ZFP91: variants seen among roughly 807,000 people sequenced by gnomAD.
ZFP91 encodes ZFP91 zinc finger protein, atypical E3 ubiquitin ligase.
A neutral mutation model predicts 63.5 loss-of-function variants in ZFP91; 7 were observed. The ratio of observed to expected loss-of-function variants is 0.11; its 90% CI spans 0.06 to 0.21. ZFP91 has a LOEUF of 0.21. ZFP91 is among the 10% of genes least tolerant of loss of function. ZFP91 has a pLI of 1.00. For synonymous variants in ZFP91, 330 were observed against 272.1 expected, an observed-to-expected ratio of 1.21 and a Z score of -2.10; for missense variants, 628 against 736.6, an observed-to-expected ratio of 0.85 and a Z score of 1.71.
Position 58,579,463 on chromosome 11 carries a change from C to T in ZFP91, c.182C>T (p.Ala61Val). Residue 61 changes from alanine (A) to valine (V), a missense_variant, in exon 1 of 11, where the codon GCG becomes GTG. Transcript: ENST00000316059. ...RGGRDRGRAA[A>V]AAAAAAVSRR... is the part of the protein sequence containing the mutation. ...GGTCGGGACCGAGGCCGGGCCGCTG[C>T]GGCCGCCGCCGCCGCAGCTGTGTCC... The T allele has an allele frequency of 2.1e-6, 3 of 1,457,594 alleles. No homozygotes were observed. The highest frequency in any genetic ancestry group is 9.0e-7 in the Non-Finnish European group (1 of 1,113,712). The allele number at this position is 1,457,594 out of a possible 1,614,324, so 90.3% of individuals were successfully genotyped here. A position where few individuals can be genotyped will look rare whatever the true frequency, so the allele number is the denominator to read the frequency against.
intron 2 of ZFP91, among the ~76,000 whole-genome samples, chr11:58,609,567 T>C (rs931507163): frequency 5.3e-5 from 8 of 152,216 alleles, no homozygotes; most frequent in African/African-American, 1.9e-4. Context: ...AAGTGTATTT[T>C]GCATAGTTAG....
At chr11:58,611,468 G>T in intron 5 of ZFP91, 136 bp from the exon 6 acceptor site, 6 of 1,147,660 alleles carry the variant, frequency 5.2e-6, no homozygotes, top group Non-Finnish European at 7.4e-6. Context: ...GAGGATGATT[G>T]GTAGGAAATC....
At chr11:58,610,209 C>A (rs1039720582) in intron 3 of ZFP91, 89 bp from the exon 4 acceptor site, 3 of 1,444,158 alleles carry the variant, frequency 2.1e-6, no homozygotes, top group Non-Finnish European at 2.9e-6. Flanking sequence ...TTACCCCATG[C>A]AGTAATTTGA....
chr11:58,611,741 G>A lies in ZFP91; in HGVS notation c.857+3G>A. On this transcript the variant is annotated splice_donor_region_variant and intron_variant, in intron 6 of 10. Transcript: ENST00000316059. ...GAGGATGAGGAACCTCCAAGGAAGT[G>A]AGTAGGCAATTATTAAAAATGAAAA... 2 of 1,589,818 alleles carry A rather than the reference G, an allele frequency of 1.3e-6. No homozygotes were observed. Among genetic ancestry groups the A allele is most frequent in the Non-Finnish European group, 1.7e-6 (2 of 1,170,044 alleles).
At chr11:58,603,131 C>A (rs149345484) in intron 2 of ZFP91, among the ~76,000 whole-genome samples, 222 of 152,276 alleles carry the variant, frequency 1.5e-3, no homozygotes, top group African/African-American at 5.0e-3. Context: ...TATAAAGTTG[C>A]AGAGAACTTG....
At chr11:58,592,265 T>A (rs1855320626) in intron 2 of ZFP91, among the ~76,000 whole-genome samples, 1 of 151,754 alleles carries the variant, frequency 6.6e-6, no homozygotes. Flanking sequence ...TTGTATTTTT[T>A]TAGTAGAGAT....
intron 2 of ZFP91, among the ~76,000 whole-genome samples, chr11:58,603,489 C>G (rs147200771): frequency 5.8e-4 from 88 of 152,308 alleles, no homozygotes; most frequent in Non-Finnish European, 1.0e-3. Flanking sequence ...GTGGAGGACT[C>G]TCATTTGGTG....
intron 9 of ZFP91, 142 bp from the exon 10 acceptor site, chr11:58,616,574 T>G (rs1855752129): frequency 1.3e-5 from 6 of 469,444 alleles, no homozygotes; most frequent in Admixed American, 1.2e-4. Context: ...TTTTTAAATT[T>G]TGTTTACCCA....
At chr11:58,603,147 AT>A (rs1855518292) in intron 2 of ZFP91, among the ~76,000 whole-genome samples, 2 of 152,198 alleles carry the variant, frequency 1.3e-5, no homozygotes, top group Admixed American at 6.5e-5. Context: ...ACTTGACTGA[AT>A]TGTGTTCTAT....
rs1855179117 is a variant in ZFP91, at chr11:58,584,898, AT to A, written c.370+15del. ...CAACTGATAAAGGTAAGACTTGGTC[AT>A]CCTTACCTCTAGCGTACATTACACT... is the stretch of plus-strand genomic sequence containing the variant. On this transcript the variant is annotated intron_variant, in intron 2 of 10. Transcript: ENST00000316059. The A allele has an allele frequency of 6.6e-7, 1 of 1,513,572 alleles. No homozygotes were observed. Among genetic ancestry groups the A allele is most frequent in the East Asian group, 2.6e-5 (1 of 38,120 alleles). The allele number at this position is 1,513,572 out of a possible 1,614,324, so 93.8% of individuals were successfully genotyped here.
intron 1 of ZFP91, among the ~76,000 whole-genome samples, chr11:58,582,336 G>A (rs1159811726): frequency 6.6e-6 from 1 of 152,070 alleles, no homozygotes; most frequent in Admixed American, 6.5e-5. Flanking sequence ...ACCCTGGTCT[G>A]GTATCTTTGA....
In ZFP91 at chr11:58,614,312, G is replaced by A; in HGVS notation, c.1071G>A (p.Lys357=). The A allele has an allele frequency of 3.1e-6, 5 of 1,611,862 alleles. No homozygotes were observed. Among genetic ancestry groups the A allele is most frequent in the Non-Finnish European group, 3.4e-6 (4 of 1,178,796 alleles). ...PSCGRLFRLQ[K]QLLRHAKHHT... ...GTGGACGACTCTTCAGGCTTCAGAA[G>A]CAACTTCTGCGACATGCCAAACATC... The change falls in exon 9 of 11, where the codon AAG becomes AAA. Residue 357 remains lysine (K), a synonymous_variant. Coordinates refer to ENST00000316059, the MANE Select transcript of ZFP91 (RefSeq NM_053023.5).
rs1855078549 is a variant in ZFP91 at position 58,579,958 on chromosome 11, T to C, written c.341+336T>C. Among the ~76,000 whole-genome samples, 4 of 152,162 alleles carry C rather than the reference T, an allele frequency of 2.6e-5. No homozygotes were observed. The South Asian group carries it at 6.2e-4, about 24-fold the overall frequency. On this transcript the variant is annotated intron_variant, in intron 1 of 10. Transcript: ENST00000316059. ...CGCACCCCCTTTGTCACCCTATCCC[T>C]TTCCTTTAGGCGGCTCTCCAGTATT...
chr11:58,617,547 A>G lies in ZFP91; in HGVS notation c.1554A>G (p.Ser518=), dbSNP rs149137178. 1.9e-6 allele frequency: 3 copies of G among 1,613,930 alleles called. No individual in the cohort carries two copies. The highest frequency in any genetic ancestry group is 1.3e-5 in the African/African-American group (1 of 75,030). Residue 518 remains serine (S), a synonymous_variant, in exon 11 of 11, where the codon TCA becomes TCG. Coordinates refer to ENST00000316059, the MANE Select transcript of ZFP91 (RefSeq NM_053023.5). This position sits in a 1 kb window ranked among gnomAD's most constrained non-coding sequence, Gnocchi z 4.2. ...TAGAAGCTGAAGGGATGTCAAAGTC[A>G]TACTGCAGTGGGACGGAACGGGTGA... ...LLLEAEGMSK[S]YCSGTERVSL... is the part of the protein sequence containing the mutation.
intron 1 of ZFP91, among the ~76,000 whole-genome samples, chr11:58,580,196 T>G (rs1042721648): frequency 6.6e-6 from 1 of 152,200 alleles, no homozygotes; most frequent in Non-Finnish European, 1.5e-5. Flanking sequence ...GCTACGATTT[T>G]AAGTATGGAG....
intron 4 of ZFP91, 113 bp from the exon 5 acceptor site, chr11:58,610,837 A>T (rs1855647772): frequency 7.4e-6 from 6 of 813,394 alleles, no homozygotes; most frequent in Middle Eastern, 3.4e-4. Context: ...TAGGATGAAA[A>T]TGCTAGATGA....
intron 7 of ZFP91, 119 bp downstream of exon 7, chr11:58,612,447 A>G: frequency 1.1e-6 from 1 of 940,940 alleles, no homozygotes; most frequent in Admixed American, 2.6e-5. Context: ...CACAAAAGCA[A>G]CTTCACTAAT....
rs1297760113 is a variant in ZFP91, at chr11:58,617,306, A to G, written c.1313A>G (p.Lys438Arg). The part of the protein sequence containing the change: ...YQFSCNICGK[K>R]FEKKDSVVAH... ...TTTTCTTGCAATATCTGTGGCAAAA[A>G]ATTTGAGAAGAAGGACAGCGTAGTG... is the stretch of plus-strand genomic sequence containing the variant. Residue 438 changes from lysine (K) to arginine (R), a missense_variant, in exon 11 of 11, where the codon AAA (lysine) becomes AGA (arginine). By Grantham distance (26) the Lys-to-Arg change is conservative. Transcript: ENST00000316059. This position sits in a 1 kb window ranked among gnomAD's most constrained non-coding sequence, Gnocchi z 4.2. The G allele has an allele frequency of 6.2e-7, 1 of 1,614,064 alleles. No individual in the cohort carries two copies. The highest frequency in any genetic ancestry group is 8.5e-7 in the Non-Finnish European group (1 of 1,179,988).
intron 2 of ZFP91, among the ~76,000 whole-genome samples, chr11:58,603,066 C>T (rs1855516940): frequency 6.6e-6 from 1 of 152,070 alleles, no homozygotes; most frequent in African/African-American, 2.4e-5. Context: ...CTGATGAGGC[C>T]TTAGAAGGAA....
Sources: allele counts gnomAD v4.1 joint callset (sites outside exome capture counted in the v4.1 genomes callset), GRCh38; gene constraint gnomAD v4.1.1; non-coding constraint Gnocchi (gnomAD v3.1); transcripts MANE v1.5; gene names NCBI Gene and HGNC (gene_info 2026-07-23, HGNC 2026-07-21).